The following ADGRL2 variants were observed in gnomAD, a reference collection of about 807,000 sequenced individuals.
The protein encoded by ADGRL2 is adhesion G protein-coupled receptor L2.
A neutral mutation model predicts 157.4 loss-of-function variants in ADGRL2; 44 were observed. The observed-to-expected ratio is 0.28, with a 90% confidence interval of 0.22 to 0.36. The LOEUF (loss-of-function observed/expected upper bound fraction) is 0.36, where lower values mean the gene tolerates loss of function less well. Among genes scored for constraint, ADGRL2 ranks in the 10% least tolerant of loss-of-function variants. The pLI, the probability that ADGRL2 is intolerant of heterozygous loss-of-function variation, is 1.00. For missense variants in ADGRL2, 1,510 were observed against 1,768.9 expected (o/e 0.85, Z 2.63); for synonymous variants, 585 against 624.7 (o/e 0.94, Z 0.95).
intron 1 of ADGRL2, among the ~76,000 whole-genome samples, chr1:81,314,877 C>G (rs901278546): frequency 7.2e-5 from 11 of 152,050 alleles, no homozygotes; most frequent in African/African-American, 2.7e-4. Flanking sequence ...TCCTGAATGC[C>G]ATAAAATGCT....
chr1:81,822,359 T>C (rs916785380), intron 1 of ADGRL2, among the ~76,000 whole-genome samples: 22 of 151,632 alleles, frequency 1.5e-4, no homozygotes, highest in Non-Finnish European at 2.9e-4. Flanking sequence ...TAAGAAGTTG[T>C]GCAAGAAAAA....
chr1:81,673,618 C>T (rs1331999284), intron 3 of ADGRL2, among the ~76,000 whole-genome samples: 1 of 150,706 alleles, frequency 6.6e-6, no homozygotes, highest in African/African-American at 2.4e-5. Context: ...GGGTTCACAC[C>T]ATTCTCCTGC....
At chr1:81,737,881 C>T (rs928358370) in intron 1 of ADGRL2, among the ~76,000 whole-genome samples, 5 of 152,120 alleles carry the variant, frequency 3.3e-5, no homozygotes, top group South Asian at 2.1e-4. Context: ...CAAAAGGTGT[C>T]CAGATTCTAC....
chr1:81,370,344 A>T lies in ADGRL2; in HGVS notation c.-302+63835A>T, dbSNP rs76094684. Among the ~76,000 whole-genome samples, 1,375 of 152,186 alleles carry T rather than the reference A, an allele frequency of 9.0e-3. 23 individuals are homozygous for T. Among genetic ancestry groups the T allele is most frequent in the African/African-American group, 0.031 (1,306 of 41,528 alleles). ...AAACGATTAAATCATTGTTGGAGATATTTTTTTCCTGTTGGCTTTCACAAA... is the reference window on the plus strand; with the variant it reads ...AAACGATTAAATCATTGTTGGAGATTTTTTTTTCCTGTTGGCTTTCACAAA... On this transcript the variant is annotated intron_variant, in intron 1 of 24. Coordinates refer to the ADGRL2 transcript ENST00000370721.
rs1664419027 is a variant in ADGRL2 at position 81,990,615 on chromosome 1, A to G, written c.3880A>G (p.Thr1294Ala). The change falls in exon 24 of 24, where the codon ACG becomes GCG. Residue 1294 changes from threonine (T) to alanine (A), a missense_variant. Around this residue, in one of 4 missense-constraint regions of ADGRL2, gnomAD observed 327 missense variants for 310.1 expected, o/e 1.05. Transcript: ENST00000686636. Reference sequence around the variant, plus strand: ...CAGCAAGACTCACAACCTCGAGCTCACGCTACCAGTCAAACCTGTGATTGG... The same window carrying G: ...CAGCAAGACTCACAACCTCGAGCTCGCGCTACCAGTCAAACCTGTGATTGG... ...GSSKTHNLEL[T>A]LPVKPVIGGS... The G allele has an allele frequency of 6.2e-7, 1 of 1,613,338 alleles. No individual in the cohort carries two copies. The highest frequency in any genetic ancestry group is 2.2e-5 in the East Asian group (1 of 44,862).
intron 3 of ADGRL2, among the ~76,000 whole-genome samples, chr1:81,924,173 A>G (rs1003415736): frequency 1.3e-5 from 2 of 152,124 alleles, no homozygotes; most frequent in African/African-American, 4.8e-5. Context: ...CAAGTATATA[A>G]CAGGGAGATC....
intron 2 of ADGRL2, among the ~76,000 whole-genome samples, chr1:81,483,558 T>C (rs541970566): frequency 1.3e-5 from 2 of 152,236 alleles, no homozygotes; most frequent in East Asian, 3.9e-4. Flanking sequence ...CAAAACTGCA[T>C]AGGAATATAT....
chr1:81,915,628 A>T (rs1341242581), intron 3 of ADGRL2, among the ~76,000 whole-genome samples: 2 of 152,158 alleles, frequency 1.3e-5, no homozygotes, highest in East Asian at 3.9e-4. Context: ...ATACTTTAAA[A>T]GTTTGAATTT....
At chr1:81,344,681 A>AT (rs1662343499) in intron 1 of ADGRL2, among the ~76,000 whole-genome samples, 1 of 149,034 alleles carries the variant, frequency 6.7e-6, no homozygotes, top group Non-Finnish European at 1.5e-5. Flanking sequence ...AAAAAAAAAA[A>AT]AAAAAAAAAG....
intron 3 of ADGRL2, among the ~76,000 whole-genome samples, chr1:81,909,412 T>A (rs1319500063): frequency 1.3e-5 from 2 of 152,272 alleles, no homozygotes; most frequent in Admixed American, 1.3e-4. Flanking sequence ...CAGAATTAAA[T>A]AACAAGTTCA....
chr1:81,686,064 CT>C (rs1275194057), intron 3 of ADGRL2, among the ~76,000 whole-genome samples: 6 of 152,254 alleles, frequency 3.9e-5, no homozygotes, highest in Non-Finnish European at 8.8e-5. Context: ...ATTTTAGCAA[CT>C]ATGTTCATCA....
chr1:81,430,022 T>G (rs777503688), intron 1 of ADGRL2, among the ~76,000 whole-genome samples: 24 of 152,220 alleles, frequency 1.6e-4, no homozygotes, highest in South Asian at 8.3e-4. Flanking sequence ...GCCTCCCGAG[T>G]AGCTGGGATT....
intron 1 of ADGRL2, among the ~76,000 whole-genome samples, chr1:81,354,456 T>A (rs1249853745): frequency 6.6e-6 from 1 of 152,202 alleles, no homozygotes; most frequent in Non-Finnish European, 1.5e-5. Flanking sequence ...ACCAGATTAG[T>A]TTTTCAATAA....
chr1:81,778,592 G>A lies in ADGRL2; in HGVS notation c.-101+16740G>A, dbSNP rs11163370. Among the ~76,000 whole-genome samples the A allele has an allele frequency of 2.6e-4, 39 of 152,012 alleles. 1 individual carries two copies. The highest frequency in any genetic ancestry group is 8.0e-4 in the African/African-American group (33 of 41,478). ...TAATAAATATTATATAAGCTATTCC[G>A]CACCGCTCACTGCCACCAAGCAACA... On this transcript the variant is annotated intron_variant, in intron 2 of 20. Transcript: ENST00000359929.
chr1:81,330,468 C>A (rs868181586), intron 1 of ADGRL2, among the ~76,000 whole-genome samples: 9 of 152,168 alleles, frequency 5.9e-5, no homozygotes, highest in African/African-American at 2.2e-4. Flanking sequence ...ACTTTAATTT[C>A]TCTAACTACA....
At chr1:81,536,937 CATT>C (rs2079753288) in intron 2 of ADGRL2, among the ~76,000 whole-genome samples, 1 of 152,090 alleles carries the variant, frequency 6.6e-6, no homozygotes, top group African/African-American at 2.4e-5. Context: ...ATGTAACTGT[CATT>C]ATATGCAAAT....
At chr1:81,753,290 G>C (rs897256256) in intron 1 of ADGRL2, among the ~76,000 whole-genome samples, 38 of 152,188 alleles carry the variant, frequency 2.5e-4, no homozygotes, top group Non-Finnish European at 5.3e-4. Flanking sequence ...TGGCAGGCAA[G>C]AGAGAGCTTG....
chr1:81,860,826 A>G (rs2093364169), intron 2 of ADGRL2, among the ~76,000 whole-genome samples: 1 of 152,326 alleles, frequency 6.6e-6, no homozygotes, highest in African/African-American at 2.4e-5. Context: ...TTCTAACTTC[A>G]AAATTTTCCT....
chr1:81,691,331 T>A (rs2148991010), intron 3 of ADGRL2, among the ~76,000 whole-genome samples: 1 of 152,192 alleles, frequency 6.6e-6, no homozygotes, highest in Admixed American at 6.5e-5. Context: ...TGTTTTCTTT[T>A]TTTTTTTAAG....
Sources: gnomAD v4.1 joint callset for allele counts (sites outside exome capture counted in the v4.1 genomes callset) on GRCh38, gnomAD v4.1.1 for gene constraint, gnomAD v4.1.1 regional missense constraint, MANE v1.5 for transcripts, NCBI Gene and HGNC (gene_info 2026-07-23, HGNC 2026-07-21) for gene names.